The following UBXN7 variants were observed in gnomAD, a reference collection of about 807,000 sequenced individuals.
UBXN7 encodes the protein UBX domain protein 7.
In UBXN7, 9 loss-of-function variants were observed where a neutral mutation model predicts 58.0. The observed-to-expected ratio is 0.16, with a 90% confidence interval of 0.09 to 0.27. UBXN7 has a LOEUF of 0.27. UBXN7 is among the 10% of genes least tolerant of loss of function. The pLI, the probability that UBXN7 is intolerant of heterozygous loss-of-function variation, is 1.00. For missense variants in UBXN7, 328 were observed against 599.6 expected, an observed-to-expected ratio of 0.55 and a Z score of 4.73; for synonymous variants, 208 against 205.0, an observed-to-expected ratio of 1.01 and a Z score of -0.12.
intron 6 of UBXN7, 113 bp from the exon 7 acceptor site, chr3:196,369,624 T>C: frequency 1.4e-6 from 1 of 719,434 alleles, no homozygotes; most frequent in Non-Finnish European, 2.3e-6. Flanking sequence ...GGCCTATGTA[T>C]TAAGATCTCA....
At chr3:196,425,103 T>C (rs1459513592) in intron 1 of UBXN7, among the ~76,000 whole-genome samples, 2 of 152,208 alleles carry the variant, frequency 1.3e-5, no homozygotes, top group Non-Finnish European at 2.9e-5. Flanking sequence ...GGAAGTCCTA[T>C]TAGCAGCACC....
chr3:196,418,160 C>T (rs1730563648), intron 1 of UBXN7, among the ~76,000 whole-genome samples: 1 of 151,850 alleles, frequency 6.6e-6, no homozygotes, highest in Admixed American at 6.6e-5. Flanking sequence ...TCGCTGGAAC[C>T]CAGGAGGCAG....
chr3:196,381,787 G>C (rs1478570841), intron 5 of UBXN7, among the ~76,000 whole-genome samples: 1 of 152,204 alleles, frequency 6.6e-6, no homozygotes, highest in African/African-American at 2.4e-5. Flanking sequence ...GTGTAGAGAA[G>C]AACTTAAATG....
At chr3:196,386,555 AT>A in intron 5 of UBXN7, among the ~76,000 whole-genome samples, 1 of 152,172 alleles carries the variant, frequency 6.6e-6, no homozygotes, top group Admixed American at 6.5e-5. Flanking sequence ...AATCACAAGC[AT>A]TCCTATACAC....
At position 196,350,009 on chromosome 3, in the gene UBXN7, T is replaced by A. The variant is rs747422678; in HGVS notation, c.*6676A>T. 6.6e-6 allele frequency: 1 copy of A among 152,256 alleles called. No individual in the cohort carries two copies. Among genetic ancestry groups the A allele is most frequent in the Non-Finnish European group, 1.5e-5 (1 of 68,040 alleles). 9.4% of individuals were successfully genotyped at this position (152,256 alleles called of 1,614,324 possible). On this transcript the variant is annotated 3_prime_UTR_variant, in exon 11 of 11. Transcript: ENST00000296328. The stretch of plus-strand genomic sequence containing the variant: ...ATACAATTAAACAATAAAAACTTGC[T>A]GTTTGTTGCCAAAGAATTAAGTACA...
intron 3 of UBXN7, among the ~76,000 whole-genome samples, chr3:196,401,944 A>G (rs1577464454): frequency 6.6e-6 from 1 of 152,090 alleles, no homozygotes; most frequent in East Asian, 1.9e-4. Context: ...TTACCCATGT[A>G]ACAAACCTGC....
intron 1 of UBXN7, among the ~76,000 whole-genome samples, chr3:196,408,154 T>A (rs1577469356): frequency 6.9e-6 from 1 of 143,938 alleles, no homozygotes; most frequent in African/African-American, 2.6e-5. Flanking sequence ...AGAAGTGAGA[T>A]GGAACATTTT....
chr3:196,366,014 T>C (rs1262810180), intron 8 of UBXN7, among the ~76,000 whole-genome samples: 1 of 151,996 alleles, frequency 6.6e-6, no homozygotes, highest in African/African-American at 2.4e-5. Flanking sequence ...GAAAACGACA[T>C]TATAAAGCAT....
At chr3:196,385,940 G>T (rs903549674) in intron 5 of UBXN7, among the ~76,000 whole-genome samples, 1 of 152,228 alleles carries the variant, frequency 6.6e-6, no homozygotes, top group Admixed American at 6.5e-5. Context: ...ATAGAAGGGG[G>T]GGAAATGTAG....
At chr3:196,358,892 C>T (rs551460555) in intron 10 of UBXN7, among the ~76,000 whole-genome samples, 18 of 151,202 alleles carry the variant, frequency 1.2e-4, no homozygotes, top group Non-Finnish European at 2.1e-4. Flanking sequence ...AACTCCTGGA[C>T]TCAAGTGATC....
intron 1 of UBXN7, among the ~76,000 whole-genome samples, chr3:196,428,016 G>A (rs1222662256): frequency 1.3e-5 from 2 of 152,070 alleles, no homozygotes; most frequent in Admixed American, 1.3e-4. Flanking sequence ...CCCAGCTACT[G>A]CGGAGGCTGA....
chr3:196,380,117 G>A (rs1729154763), intron 5 of UBXN7, among the ~76,000 whole-genome samples: 1 of 152,116 alleles, frequency 6.6e-6, no homozygotes, highest in Non-Finnish European at 1.5e-5. Flanking sequence ...GAGCGTGGTG[G>A]CGGGCGCCTG....
chr3:196,423,125 A>C (rs1039586311), intron 1 of UBXN7, among the ~76,000 whole-genome samples: 1 of 152,214 alleles, frequency 6.6e-6, no homozygotes, highest in African/African-American at 2.4e-5. Flanking sequence ...ATCAAGCCAT[A>C]ACCAGAGGAC....
intron 3 of UBXN7, among the ~76,000 whole-genome samples, chr3:196,401,961 AC>A (rs1245892918): frequency 2.0e-5 from 3 of 151,952 alleles, no homozygotes; most frequent in Non-Finnish European, 4.4e-5. Context: ...CTGCACATGT[AC>A]CCCAAACCTA....
chr3:196,401,609 T>G (rs536345376), intron 3 of UBXN7, among the ~76,000 whole-genome samples: 1 of 148,840 alleles, frequency 6.7e-6, no homozygotes, highest in African/African-American at 2.5e-5. Context: ...CAGGGCCTGG[T>G]TGAGGGTGGA....
chr3:196,393,537 G>A lies in UBXN7; in HGVS notation c.355+17C>T. The A allele has an allele frequency of 6.2e-7, 1 of 1,608,614 alleles. No homozygotes were observed. Among genetic ancestry groups the A allele is most frequent in the Non-Finnish European group, 8.5e-7 (1 of 1,176,808 alleles). ...GAAGAGAAGAGGGAGATGATAAACT[G>A]GTCCATAGATACCTACTAGTTTCAG... On this transcript the variant is annotated intron_variant, in intron 4 of 10. Coordinates refer to ENST00000296328, the MANE Select transcript of UBXN7 (RefSeq NM_015562.2).
At chr3:196,389,934 T>C (rs1488316363) in intron 5 of UBXN7, among the ~76,000 whole-genome samples, 1 of 152,138 alleles carries the variant, frequency 6.6e-6, no homozygotes, top group African/African-American at 2.4e-5. Flanking sequence ...TTGTTTATTT[T>C]AAGAAATGGG....
In UBXN7 at chr3:196,371,985, G is replaced by T; in HGVS notation, c.526C>A (p.Gln176Lys). 6.2e-7 allele frequency: 1 copy of T among 1,613,336 alleles called. No individual in the cohort carries two copies. The highest frequency in any genetic ancestry group is 1.1e-5 in the South Asian group (1 of 90,876). ...KWLMINIQNVQDFACQCLNRD... is the reference protein window; with the variant it reads ...KWLMINIQNVKDFACQCLNRD... ...TTGAGGCACTGACATGCAAAGTCTT[G>T]AACATTTTGAATGTTTATCATCAGC... Residue 176 changes from glutamine (Q) to lysine (K), a missense_variant, in exon 6 of 11, where the codon CAA becomes AAA. Transcript: ENST00000296328.
chr3:196,356,352 A>T lies in UBXN7; in HGVS notation c.*333T>A, dbSNP rs1728348894. ...CCAAAAAAGTGCCGTGCAAGAGACC[A>T]CTTACTGGAACACACAATTCCTGCT... On this transcript the variant is annotated 3_prime_UTR_variant, in exon 11 of 11. Coordinates refer to ENST00000296328, the MANE Select transcript of UBXN7 (RefSeq NM_015562.2). The T allele has an allele frequency of 5.5e-6, 1 of 182,386 alleles. No individual in the cohort carries two copies. 11.3% of individuals were successfully genotyped at this position (182,386 alleles called of 1,614,324 possible).
Sources: gnomAD v4.1 joint callset for allele counts (sites outside exome capture counted in the v4.1 genomes callset) on GRCh38, gnomAD v4.1.1 for gene constraint, MANE v1.5 for transcripts, NCBI Gene and HGNC (gene_info 2026-07-23, HGNC 2026-07-21) for gene names.